Variants in PCDHA1 observed in about 807,000 individuals in gnomAD.
PCDHA1 encodes the protein protocadherin alpha 1, also known as protocadherin alpha-1.
Under a neutral mutation model 61.3 loss-of-function variants are expected in PCDHA1, and 42 were observed. That is an observed-to-expected ratio of 0.69 (90% CI 0.54 to 0.89). The LOEUF (loss-of-function observed/expected upper bound fraction) is 0.89, where lower values mean the gene tolerates loss of function less well. Ranked by LOEUF, PCDHA1 falls within the 40% of genes least tolerant of loss-of-function variation. PCDHA1 has a pLI of 0.00. For synonymous variants in PCDHA1, 610 were observed against 553.8 expected (o/e 1.10, Z -1.43); for missense variants, 1,256 against 1,235.3 (o/e 1.02, Z -0.25).
At chr5:140,877,296 C>A (rs781799440) in intron 1 of PCDHA1, 2 of 1,613,942 alleles carry the variant, frequency 1.2e-6, no homozygotes, top group Non-Finnish European at 1.7e-6. Context: ...CTTGGCTGTC[C>A]TACGAGTTGC....
At chr5:140,914,016 G>A (rs1344982730) in intron 1 of PCDHA1, among the ~76,000 whole-genome samples, 2 of 152,140 alleles carry the variant, frequency 1.3e-5, no homozygotes, top group Non-Finnish European at 2.9e-5. Flanking sequence ...CTTTGAGAAT[G>A]ATCCACGTGC....
chr5:140,830,372 G>GGGGAGGGCCCACC, intron 1 of PCDHA1: 1 of 1,614,136 alleles, frequency 6.2e-7, no homozygotes, highest in Non-Finnish European at 8.5e-7. Context: ...GGTGTGCTCC[G>GGGGAGGGCCCACC]GGGAGGGCCC....
chr5:140,856,315 T>A (rs782568790), intron 1 of PCDHA1: 4 of 1,598,576 alleles, frequency 2.5e-6, no homozygotes, highest in Non-Finnish European at 3.4e-6. Context: ...ATTCTCGGAT[T>A]GACCGCGAGG....
intron 1 of PCDHA1, among the ~76,000 whole-genome samples, chr5:140,838,236 C>G (rs2150286202): frequency 6.6e-6 from 1 of 150,998 alleles, no homozygotes; most frequent in East Asian, 1.9e-4. Context: ...GCCTCAGTCT[C>G]CCAAGTAGCT....
intron 1 of PCDHA1, chr5:140,823,968 C>T (rs2150130951): frequency 1.2e-6 from 2 of 1,614,054 alleles, no homozygotes; most frequent in East Asian, 2.2e-5. Context: ...AGGCCGTGTG[C>T]ACACGGGGCA....
chr5:140,855,966 T>G (rs1554148056), intron 1 of PCDHA1: 7 of 1,422,780 alleles, frequency 4.9e-6, no homozygotes, highest in Non-Finnish European at 2.9e-6. Flanking sequence ...AAAATAGATA[T>G]AAGAAATAGG....
At chr5:140,941,019 C>T (rs569905763) in intron 1 of PCDHA1, among the ~76,000 whole-genome samples, 4 of 152,142 alleles carry the variant, frequency 2.6e-5, no homozygotes, top group East Asian at 1.9e-4. Context: ...TCCTATTTTC[C>T]TTCTGGCCTT....
intron 1 of PCDHA1, chr5:140,803,596 G>C: frequency 6.2e-7 from 1 of 1,614,106 alleles, no homozygotes; most frequent in Non-Finnish European, 8.5e-7. Flanking sequence ...GCCAAAGTGA[G>C]TAATTTTTAT....
intron 1 of PCDHA1, chr5:140,834,797 GA>G (rs2150227028): frequency 1.2e-6 from 2 of 1,613,022 alleles, no homozygotes; most frequent in South Asian, 2.2e-5. Flanking sequence ...CGACACAAAG[GA>G]ATCTGTTCAT....
chr5:140,830,422 A>C (rs1771053469), intron 1 of PCDHA1: 6 of 1,613,926 alleles, frequency 3.7e-6, no homozygotes, highest in Admixed American at 1.7e-5. Flanking sequence ...CCAGCCTTTC[A>C]CCTTGTCCTA....
rs79396364 is a variant in PCDHA1 at position 140,939,917 on chromosome 5, T to C, written c.2395-39032T>C. On this transcript the variant is annotated intron_variant, in intron 1 of 3. Transcript: ENST00000504120. ...TATTCTGCATTCTTTTTTATTCTTT[T>C]TGTTTGCTTATTTTATCAGTTACTG... is the stretch of plus-strand genomic sequence containing the variant. Among the ~76,000 whole-genome samples, 828 of 152,316 alleles carry C rather than the reference T, an allele frequency of 5.4e-3. 3 individuals carry two copies. The highest frequency in any genetic ancestry group is 0.019 in the African/African-American group (797 of 41,560).
intron 1 of PCDHA1, among the ~76,000 whole-genome samples, chr5:140,955,244 G>A (rs1554221834): frequency 2.0e-5 from 3 of 152,072 alleles, no homozygotes; most frequent in South Asian, 2.1e-4. Flanking sequence ...GCTTAGGATC[G>A]GCTTGGCTAT....
intron 1 of PCDHA1, chr5:140,802,605 C>T (rs782236184): frequency 6.2e-7 from 1 of 1,614,074 alleles, no homozygotes; most frequent in Non-Finnish European, 8.5e-7. Context: ...GAACAACCCG[C>T]CGGGCTGCCA....
Position 140,863,381 on chromosome 5 carries a change from G to A in PCDHA1, c.2394+74697G>A, listed in dbSNP as rs1186134797. 4 of 1,058,516 alleles carry A rather than the reference G, an allele frequency of 3.8e-6. No homozygotes were observed. In the African/African-American group the frequency reaches 4.8e-5, roughly 13 times the overall value. 65.6% of individuals were successfully genotyped at this position (1,058,516 alleles called of 1,614,324 possible). ...CGGTGCTTGGCGCAGCTCACCGAGAGCTCGTGCATGCCGGGCAAGCCCACG... is the reference window on the plus strand; with the variant it reads ...CGGTGCTTGGCGCAGCTCACCGAGAACTCGTGCATGCCGGGCAAGCCCACG... On this transcript the variant is annotated intron_variant, in intron 1 of 3. Transcript: ENST00000504120.
chr5:140,797,264 C>T, intron 1 of PCDHA1: 1 of 1,614,198 alleles, frequency 6.2e-7, no homozygotes, highest in Non-Finnish European at 8.5e-7. Context: ...CCCCCCAAGA[C>T]GGACCTCATG....
chr5:140,974,709 C>T (rs1385583490), intron 1 of PCDHA1, among the ~76,000 whole-genome samples: 1 of 152,092 alleles, frequency 6.6e-6, no homozygotes, highest in Non-Finnish European at 1.5e-5. Flanking sequence ...CCATGTTGTT[C>T]AAGCTGCTCT....
chr5:140,843,740 C>G (rs782492231), intron 1 of PCDHA1: 1 of 1,536,514 alleles, frequency 6.5e-7, no homozygotes, highest in Non-Finnish European at 8.9e-7. Flanking sequence ...ATTTAGAACT[C>G]ATAAATTCTA....
Position 140,858,751 on chromosome 5 carries a change from G to A in PCDHA1, c.2394+70067G>A, listed in dbSNP as rs938240146. On this transcript the variant is annotated intron_variant, in intron 1 of 3. Coordinates refer to ENST00000504120, the MANE Select transcript of PCDHA1 (RefSeq NM_018900.4). ...CGATTTACTTTCATAATCACTTTTC[G>A]TTACAAATATTTGTGAGATTAGTAC... 35 of 456,172 alleles carry A rather than the reference G, an allele frequency of 7.7e-5. 1 individual carries two copies. In the East Asian group the frequency reaches 9.6e-4, roughly 13 times the overall value. 28.3% of individuals were successfully genotyped at this position (456,172 alleles called of 1,614,324 possible).
chr5:140,869,654 C>T, intron 1 of PCDHA1: 1 of 1,613,446 alleles, frequency 6.2e-7, no homozygotes, highest in Non-Finnish European at 8.5e-7. Flanking sequence ...GATTCACCAA[C>T]AAATGGTAAG....
Sources: gnomAD v4.1 joint callset for allele counts (sites outside exome capture counted in the v4.1 genomes callset) on GRCh38, gnomAD v4.1.1 for gene constraint, MANE v1.5 for transcripts, NCBI Gene and HGNC (gene_info 2026-07-23, HGNC 2026-07-21) for gene names.